The following MPPED2 variants were observed in gnomAD, a reference collection of about 807,000 sequenced individuals.
The protein encoded by MPPED2 is metallophosphoesterase MPPED2.
A neutral mutation model predicts 33.0 loss-of-function variants in MPPED2; 5 were observed. The ratio of observed to expected loss-of-function variants is 0.15; its 90% CI spans 0.08 to 0.32. MPPED2 has a LOEUF of 0.32. MPPED2 is among the 10% of genes least tolerant of loss of function. MPPED2 has a pLI of 1.00. For missense variants in MPPED2, 275 were observed against 372.1 expected (o/e 0.74, Z 2.15); for synonymous variants, 136 against 141.9 (o/e 0.96, Z 0.29).
chr11:30,439,171 C>T (rs1949453520), intron 4 of MPPED2, among the ~76,000 whole-genome samples: 1 of 152,146 alleles, frequency 6.6e-6, no homozygotes, highest in African/African-American at 2.4e-5. Context: ...CCTTGTACTT[C>T]CAAATTCAGA....
intron 6 of MPPED2, among the ~76,000 whole-genome samples, chr11:30,404,894 T>C (rs1947966739): frequency 6.6e-6 from 1 of 152,200 alleles, no homozygotes; most frequent in Non-Finnish European, 1.5e-5. Flanking sequence ...CAAATAGTGA[T>C]TAATTCATTA....
At chr11:30,550,115 T>A (rs1955629070) in intron 2 of MPPED2, among the ~76,000 whole-genome samples, 2 of 152,230 alleles carry the variant, frequency 1.3e-5, no homozygotes, top group African/African-American at 4.8e-5. Flanking sequence ...AAAGCAGTCC[T>A]CGCTGATAGA....
At chr11:30,513,389 A>G (rs1222722455) in intron 3 of MPPED2, among the ~76,000 whole-genome samples, 2 of 152,118 alleles carry the variant, frequency 1.3e-5, no homozygotes, top group African/African-American at 4.8e-5. Context: ...TTCTTGCTAC[A>G]CTCTACCAGT....
chr11:30,497,701 C>T (rs1297348494), intron 3 of MPPED2, among the ~76,000 whole-genome samples: 2 of 137,262 alleles, frequency 1.5e-5, no homozygotes, highest in Admixed American at 6.8e-5. Context: ...TGGGTTTTTC[C>T]TTTCTTTCTT....
intron 3 of MPPED2, among the ~76,000 whole-genome samples, chr11:30,496,829 A>G (rs1026556529): frequency 1.3e-5 from 2 of 152,162 alleles, no homozygotes; most frequent in Non-Finnish European, 2.9e-5. Flanking sequence ...CATCACAAAC[A>G]TATTTGCTAA....
At chr11:30,428,808 C>G (rs887466420) in intron 4 of MPPED2, among the ~76,000 whole-genome samples, 3 of 152,014 alleles carry the variant, frequency 2.0e-5, no homozygotes, top group African/African-American at 7.2e-5. Flanking sequence ...AGACAGCCTG[C>G]CTATATAGAT....
chr11:30,467,748 A>G (rs1950771362), intron 4 of MPPED2, among the ~76,000 whole-genome samples: 1 of 152,266 alleles, frequency 6.6e-6, no homozygotes, highest in African/African-American at 2.4e-5. Flanking sequence ...CATATCATAG[A>G]ATAACATTCA....
chr11:30,480,977 G>C (rs139326746), intron 4 of MPPED2, among the ~76,000 whole-genome samples: 1 of 152,080 alleles, frequency 6.6e-6, no homozygotes, highest in Non-Finnish European at 1.5e-5. Context: ...CTACATAACA[G>C]GTAGAATAAT....
chr11:30,444,247 C>T (rs757849054), intron 4 of MPPED2, among the ~76,000 whole-genome samples: 6 of 152,118 alleles, frequency 3.9e-5, no homozygotes, highest in Non-Finnish European at 8.8e-5. Flanking sequence ...ATCTGCATTC[C>T]ACCTGCGTTA....
At chr11:30,501,206 A>G (rs946180238) in intron 3 of MPPED2, among the ~76,000 whole-genome samples, 1 of 152,214 alleles carries the variant, frequency 6.6e-6, no homozygotes, top group African/African-American at 2.4e-5. Context: ...CCCAATCGCC[A>G]TCAATAAATC....
intron 3 of MPPED2, among the ~76,000 whole-genome samples, chr11:30,505,586 A>T (rs1952787336): frequency 6.6e-6 from 1 of 152,264 alleles, no homozygotes; most frequent in Non-Finnish European, 1.5e-5. Context: ...TGGCTTATAA[A>T]GAAAGATTTA....
At chr11:30,406,223 C>T (rs1260440605), downstream of MPPED2, among the ~76,000 whole-genome samples, 2 of 152,160 alleles carry the variant, frequency 1.3e-5, no homozygotes, top group East Asian at 3.9e-4. Flanking sequence ...GTTTTCTCTT[C>T]ACAGATTGGC....
At chr11:30,498,547 CA>C (rs3062014) in intron 3 of MPPED2, among the ~76,000 whole-genome samples, 53,088 of 124,158 alleles carry the variant, frequency 0.43, 10,507 homozygotes, top group African/African-American at 0.56. Context: ...AAACTTGTCT[CA>C]AAAAAAAAAA....
intron 2 of MPPED2, among the ~76,000 whole-genome samples, chr11:30,561,866 T>C (rs1590866676): frequency 2.6e-5 from 4 of 152,154 alleles, no homozygotes; most frequent in African/African-American, 4.8e-5. Flanking sequence ...CAATTTTCTG[T>C]GCAGTAACAC....
intron 2 of MPPED2, among the ~76,000 whole-genome samples, chr11:30,551,776 C>T (rs377339435): frequency 3.3e-5 from 5 of 152,256 alleles, no homozygotes; most frequent in African/African-American, 7.2e-5. Context: ...AATACACAAA[C>T]GGACAACCTC....
At chr11:30,531,242 A>T (rs1436433137) in intron 3 of MPPED2, among the ~76,000 whole-genome samples, 1 of 152,214 alleles carries the variant, frequency 6.6e-6, no homozygotes, top group East Asian at 1.9e-4. Flanking sequence ...TAAATCTTTG[A>T]CAATAAGAAG....
chr11:30,411,644 T>C, intron 6 of MPPED2, 58 bp from the exon 7 acceptor site: 3 of 1,461,438 alleles, frequency 2.1e-6, no homozygotes, highest in Non-Finnish European at 1.8e-6. Flanking sequence ...TGATGGAATG[T>C]AGGGCTGTCA....
intron 2 of MPPED2, among the ~76,000 whole-genome samples, chr11:30,568,506 C>G (rs1244563151): frequency 2.0e-5 from 3 of 152,184 alleles, no homozygotes; most frequent in Non-Finnish European, 4.4e-5. Context: ...ACGACCCTTC[C>G]TGCAGAGTGT....
chr11:30,542,226 A>G (rs1234916983), intron 2 of MPPED2, among the ~76,000 whole-genome samples: 1 of 152,200 alleles, frequency 6.6e-6, no homozygotes, highest in Non-Finnish European at 1.5e-5. Context: ...TAGTTTTTAC[A>G]GAAATATTTT....
Sources: gnomAD v4.1 joint callset for allele counts (sites outside exome capture counted in the v4.1 genomes callset) on GRCh38, gnomAD v4.1.1 for gene constraint, MANE v1.5 for transcripts, NCBI Gene and HGNC (gene_info 2026-07-23, HGNC 2026-07-21) for gene names.